The following SCN11A variants were observed in gnomAD, a reference collection of about 807,000 sequenced individuals.
The protein encoded by SCN11A is sodium voltage-gated channel alpha subunit 11.
Under a neutral mutation model 162.2 loss-of-function variants are expected in SCN11A, and 122 were observed. The observed-to-expected ratio is 0.75, with a 90% CI of 0.65 to 0.87. The LOEUF is 0.87. Ranked by LOEUF, SCN11A falls within the 40% of genes least tolerant of loss-of-function variation. SCN11A has a pLI of 0.00. For missense variants in SCN11A, 2,015 were observed against 2,181.6 expected, an observed-to-expected ratio of 0.92 and a Z score of 1.52; for synonymous variants, 758 against 751.5, an observed-to-expected ratio of 1.01 and a Z score of -0.14.
chr3:38,925,901 G>A (rs1026746663), intron 8 of SCN11A, among the ~76,000 whole-genome samples: 1 of 152,244 alleles, frequency 6.6e-6, no homozygotes, highest in African/African-American at 2.4e-5. Context: ...GCCAGGCAGT[G>A]TAGCTCCAGA....
At chr3:39,008,325 CT>C (rs1203555426) in intron 2 of SCN11A, among the ~76,000 whole-genome samples, 1 of 152,034 alleles carries the variant, frequency 6.6e-6, no homozygotes, top group African/African-American at 2.4e-5. Flanking sequence ...CATGCAAGGT[CT>C]GAAAAAATGT....
intron 14 of SCN11A, among the ~76,000 whole-genome samples, chr3:38,906,911 G>GT (rs1310670646): frequency 6.6e-6 from 1 of 151,958 alleles, no homozygotes; most frequent in Non-Finnish European, 1.5e-5. Flanking sequence ...CATCACACAT[G>GT]TGCATGCATG....
At chr3:38,872,659 G>C (rs1485156984) in intron 23 of SCN11A, among the ~76,000 whole-genome samples, 1 of 152,172 alleles carries the variant, frequency 6.6e-6, no homozygotes, top group African/African-American at 2.4e-5. Flanking sequence ...TTTGAAAATG[G>C]ATGTGGATTT....
At chr3:38,856,577 T>G (rs1299196133) in intron 28 of SCN11A, among the ~76,000 whole-genome samples, 1 of 152,134 alleles carries the variant, frequency 6.6e-6, no homozygotes, top group Non-Finnish European at 1.5e-5. Flanking sequence ...CCAGCCACCT[T>G]CATCAAGGCT....
chr3:39,013,898 G>C (rs1364268160), intron 2 of SCN11A, among the ~76,000 whole-genome samples: 1 of 152,190 alleles, frequency 6.6e-6, no homozygotes, highest in Non-Finnish European at 1.5e-5. Flanking sequence ...CAAAACCACA[G>C]GGAAAAGATG....
intron 2 of SCN11A, among the ~76,000 whole-genome samples, chr3:39,025,518 G>A (rs2031566519): frequency 6.6e-6 from 1 of 152,138 alleles, no homozygotes; most frequent in Non-Finnish European, 1.5e-5. Context: ...GGAAATTCCT[G>A]GAACTAAGGG....
chr3:39,048,258 G>T (rs1031876948), intron 1 of SCN11A, among the ~76,000 whole-genome samples: 4 of 152,196 alleles, frequency 2.6e-5, no homozygotes, highest in African/African-American at 9.7e-5. Flanking sequence ...AGTGAAATAA[G>T]CCAGGCACAG....
At chr3:38,911,495 T>C (rs1490521950) in intron 11 of SCN11A, among the ~76,000 whole-genome samples, 2 of 152,182 alleles carry the variant, frequency 1.3e-5, no homozygotes, top group Non-Finnish European at 2.9e-5. Flanking sequence ...CATGGTCCTT[T>C]CTCATTCACT....
intron 23 of SCN11A, among the ~76,000 whole-genome samples, chr3:38,878,316 A>C (rs1181153821): frequency 6.6e-6 from 1 of 151,994 alleles, no homozygotes; most frequent in Non-Finnish European, 1.5e-5. Context: ...TTATGTATTC[A>C]GTGAATTTGG....
chr3:38,922,944 G>T (rs112630211), intron 9 of SCN11A, among the ~76,000 whole-genome samples: 1,836 of 152,138 alleles, frequency 0.012, 35 homozygotes, highest in African/African-American at 0.041. Flanking sequence ...GGGAGAAGGT[G>T]GGGGGAAAGG....
intron 23 of SCN11A, among the ~76,000 whole-genome samples, chr3:38,876,385 G>T (rs1240560486): frequency 6.6e-6 from 1 of 152,170 alleles, no homozygotes; most frequent in East Asian, 1.9e-4. Flanking sequence ...AAAAGCTTCT[G>T]CACAGCAAAA....
Position 38,936,859 on chromosome 3 carries a change from A to T in SCN11A, c.488+8552T>A, listed in dbSNP as rs1461609748. Reference sequence around the variant, plus strand: ...CTACCAATGACTTTCTTCACAGAATAGGAAAAAACTACTTTAAAGTTCATA... The same window carrying T: ...CTACCAATGACTTTCTTCACAGAATTGGAAAAAACTACTTTAAAGTTCATA... On this transcript the variant is annotated intron_variant, in intron 7 of 29. Transcript: ENST00000302328. Among the ~76,000 whole-genome samples the T allele has an allele frequency of 8.7e-4, 132 of 151,654 alleles. No individual in the cohort carries two copies. In the East Asian group the frequency reaches 0.02, roughly 23 times the overall value.
intron 11 of SCN11A, among the ~76,000 whole-genome samples, chr3:38,918,550 C>T (rs1049449500): frequency 2.0e-5 from 3 of 152,176 alleles, no homozygotes; most frequent in Non-Finnish European, 4.4e-5. Flanking sequence ...CCACTTCCTG[C>T]CCACGAAAAA....
At chr3:38,960,510 G>A (rs1302734369) in intron 2 of SCN11A, among the ~76,000 whole-genome samples, 87 bp from the exon 3 acceptor site, 10 of 152,226 alleles carry the variant, frequency 6.6e-5, no homozygotes, top group Admixed American at 6.5e-4. Flanking sequence ...AACCGGAGAA[G>A]TGACTGAGAG....
chr3:39,041,983 A>AC (rs1347153964), intron 1 of SCN11A, among the ~76,000 whole-genome samples: 1 of 152,060 alleles, frequency 6.6e-6, no homozygotes, highest in Non-Finnish European at 1.5e-5. Context: ...AAAAAACAAG[A>AC]CCCAGGCCGG....
chr3:38,985,078 G>A (rs1463756759), intron 2 of SCN11A, among the ~76,000 whole-genome samples: 1 of 150,038 alleles, frequency 6.7e-6, no homozygotes, highest in Non-Finnish European at 1.5e-5. Flanking sequence ...GGCTTAAACA[G>A]AGGATGACAT....
intron 2 of SCN11A, among the ~76,000 whole-genome samples, chr3:38,972,795 A>G (rs1377214801): frequency 6.6e-6 from 1 of 152,234 alleles, no homozygotes; most frequent in Non-Finnish European, 1.5e-5. Flanking sequence ...ATAGAAAAAA[A>G]AAAGTCGTTC....
At chr3:38,943,915 T>C (rs1190849600) in intron 7 of SCN11A, among the ~76,000 whole-genome samples, 2 of 152,312 alleles carry the variant, frequency 1.3e-5, no homozygotes, top group East Asian at 3.9e-4. Flanking sequence ...GGGATGACTA[T>C]TTAGTTAATA....
intron 28 of SCN11A, among the ~76,000 whole-genome samples, chr3:38,855,938 C>A (rs2064861681): frequency 6.6e-6 from 1 of 152,176 alleles, no homozygotes; most frequent in Admixed American, 6.5e-5. Context: ...AGTAGCCCTG[C>A]CAGGTGGCTA....
Sources: allele counts gnomAD v4.1 joint callset (sites outside exome capture counted in the v4.1 genomes callset), GRCh38; gene constraint gnomAD v4.1.1; transcripts MANE v1.5; gene names NCBI Gene and HGNC (gene_info 2026-07-23, HGNC 2026-07-21).